Variants in SREK1 observed in about 807,000 individuals in gnomAD.
The protein encoded by SREK1 is splicing regulatory glutamic acid and lysine rich protein 1.
In SREK1, 13 loss-of-function variants were observed where a neutral mutation model predicts 66.5. The ratio of observed to expected loss-of-function variants is 0.20; its 90% confidence interval spans 0.13 to 0.31. SREK1 has a LOEUF of 0.31. SREK1 is among the 10% of genes least tolerant of loss of function. SREK1 has a pLI of 1.00. For synonymous variants in SREK1, 265 were observed against 263.5 expected, an observed-to-expected ratio of 1.01 and a Z score of -0.05; for missense variants, 607 against 769.6, an observed-to-expected ratio of 0.79 and a Z score of 2.50.
intron 1 of SREK1, 190 bp downstream of exon 1, chr5:66,144,727 G>A (rs1365548190): frequency 2.3e-6 from 3 of 1,293,884 alleles, no homozygotes; most frequent in East Asian, 5.7e-5. Flanking sequence ...GATTTGGGGG[G>A]TTAACTACTG....
intron 1 of SREK1, 21 bp from the exon 2 acceptor site, chr5:66,153,442 G>T: frequency 1.2e-6 from 2 of 1,601,282 alleles, no homozygotes; most frequent in Admixed American, 1.8e-5. Context: ...TAGTTCAATT[G>T]TTTTTCTTTT....
chr5:66,160,140 G>C (rs1371661330), intron 3 of SREK1, among the ~76,000 whole-genome samples: 3 of 151,646 alleles, frequency 2.0e-5, no homozygotes, highest in African/African-American at 7.3e-5. Context: ...AAAAAAAAAG[G>C]GTATATTACT....
At chr5:66,177,180 A>G (rs1044739212) in intron 10 of SREK1, 5 of 166,936 alleles carry the variant, frequency 3.0e-5, no homozygotes, top group African/African-American at 1.2e-4. Context: ...GCGGATACAT[A>G]TTCATTTGGT....
At position 66,182,804 on chromosome 5, in the gene SREK1, A is replaced by G. The variant is rs1045702118; in HGVS notation, c.*3936A>G. ...ACTGGTCTCAAACTCCTGGGCTCAA[A>G]CAATCTGTCTGCCTCAGCCTTCTAA... is the stretch of plus-strand genomic sequence containing the variant. On this transcript the variant is annotated 3_prime_UTR_variant, in exon 12 of 12. Coordinates refer to ENST00000334121, the MANE Select transcript of SREK1 (RefSeq NM_001077199.3). The G allele has an allele frequency of 2.6e-5, 4 of 152,146 alleles. No homozygotes were observed. Among genetic ancestry groups the G allele is most frequent in the Admixed American group, 6.6e-5 (1 of 15,258 alleles). The allele number at this position is 152,146 out of a possible 1,614,324, so 9.4% of individuals were successfully genotyped here. A position where few individuals can be genotyped will look rare whatever the true frequency, so the allele number is the denominator to read the frequency against.
In SREK1 at chr5:66,177,555, A is replaced by G. The variant is rs1347148206; in HGVS notation, c.1622A>G (p.His541Arg). Reference protein sequence around the residue: ...KDKKREKERDHISERRERERS... With the variant: ...KDKKREKERDRISERRERERS... Reference sequence around the variant, plus strand: ...AAAAAGAGAGAAAAAGAAAGGGACCACATCAGTGAAAGAAGAGAGAGAGAA... The same window carrying G: ...AAAAAGAGAGAAAAAGAAAGGGACCGCATCAGTGAAAGAAGAGAGAGAGAA... Residue 541 changes from histidine (H) to arginine (R), a missense_variant, in exon 11 of 12, where the codon CAC becomes CGC. His to Arg is a conservative substitution (Grantham distance 29, BLOSUM62 0). Around this residue, in one of 5 missense-constraint regions of SREK1, gnomAD observed 318 missense variants for 310.3 expected, o/e 1.02. Coordinates refer to ENST00000334121, the MANE Select transcript of SREK1 (RefSeq NM_001077199.3). The G allele has an allele frequency of 6.2e-7, 1 of 1,608,882 alleles. No individual in the cohort carries two copies. The highest frequency in any genetic ancestry group is 1.3e-5 in the African/African-American group (1 of 74,652).
intron 10 of SREK1, among the ~76,000 whole-genome samples, chr5:66,176,785 GT>G (rs1746090311): frequency 6.6e-6 from 1 of 151,968 alleles, no homozygotes; most frequent in African/African-American, 2.4e-5. Context: ...TTAATTGGAG[GT>G]TAGGTTTGTA....
rs1330540822 is a variant in SREK1, at chr5:66,180,468, T to C, written c.*1600T>C. 6.6e-6 allele frequency: 1 copy of C among 152,640 alleles called. No individual in the cohort carries two copies. Among genetic ancestry groups the C allele is most frequent in the African/African-American group, 2.4e-5 (1 of 41,464 alleles). 9.5% of individuals were successfully genotyped at this position (152,640 alleles called of 1,614,324 possible). ...AGTTACTTGGTTTCAACTTGAGTTTTCTTTTAATGTTAATAAGATTGAAAC... is the reference window on the plus strand; with the variant it reads ...AGTTACTTGGTTTCAACTTGAGTTTCCTTTTAATGTTAATAAGATTGAAAC... On this transcript the variant is annotated 3_prime_UTR_variant, in exon 12 of 12. Coordinates refer to ENST00000334121, the MANE Select transcript of SREK1 (RefSeq NM_001077199.3).
chr5:66,165,579 C>T (rs541417776), intron 7 of SREK1: 2 of 152,336 alleles, frequency 1.3e-5, no homozygotes, highest in South Asian at 2.1e-4. Flanking sequence ...CCTTAAAATG[C>T]AAATTTGGCA....
chr5:66,177,601 G>C lies in SREK1; in HGVS notation c.1668G>C (p.Lys556Asn), dbSNP rs1442100961. ...GAGAACGTTCAACGTCTATGAGAAA[G>C]AGTTCTAATGATAGAGATGGGAAGG... is the stretch of plus-strand genomic sequence containing the variant. ...RERERSTSMR[K>N]SSNDRDGKEK... The change falls in exon 11 of 12, where the codon AAG becomes AAC. Residue 556 changes from lysine to asparagine, a missense_variant. Lys to Asn is a moderately conservative substitution (Grantham distance 94, BLOSUM62 0). Around this residue, in one of 5 missense-constraint regions of SREK1, gnomAD observed 318 missense variants for 310.3 expected, o/e 1.02. Coordinates refer to ENST00000334121, the MANE Select transcript of SREK1 (RefSeq NM_001077199.3). 1.2e-6 allele frequency: 2 copies of C among 1,610,964 alleles called. No individual in the cohort carries two copies. The highest frequency in any genetic ancestry group is 2.7e-5 in the African/African-American group (2 of 74,680).
chr5:66,183,554 T>A lies in SREK1; in HGVS notation c.*4686T>A, dbSNP rs1364530894. The A allele has an allele frequency of 1.3e-5, 2 of 152,212 alleles. No individual in the cohort carries two copies. The highest frequency in any genetic ancestry group is 2.9e-5 in the Non-Finnish European group (2 of 68,026). The allele number at this position is 152,212 out of a possible 1,614,324, so 9.4% of individuals were successfully genotyped here. On this transcript the variant is annotated 3_prime_UTR_variant, in exon 12 of 12. Transcript: ENST00000334121. ...ACTTTTAAATGGTACTAGTAAAGAT[T>A]TATCAAACAATGCTGCTATTATGTT...
In SREK1 at chr5:66,170,643, G is replaced by T; in HGVS notation, c.1180G>T (p.Asp394Tyr). ...GGAAAAGGAAAGAGTGAAAGAGAAA[G>T]ACAGGGAAAAGGAGAGAGAGAGGGA... Reference protein sequence around the residue: ...IKEKERVKEKDREKEREREKE... With the variant: ...IKEKERVKEKYREKEREREKE... Residue 394 changes from aspartate (D) to tyrosine (Y), a missense_variant, in exon 9 of 12, where the codon GAC (aspartate) becomes TAC (tyrosine). By Grantham distance (160) the Asp-to-Tyr change is radical. Around this residue, in one of 5 missense-constraint regions of SREK1, gnomAD observed 318 missense variants for 310.3 expected, o/e 1.02. Transcript: ENST00000334121. The T allele has an allele frequency of 6.2e-7, 1 of 1,613,188 alleles. No individual in the cohort carries two copies. Among genetic ancestry groups the T allele is most frequent in the Non-Finnish European group, 8.5e-7 (1 of 1,179,820 alleles).
intron 7 of SREK1, chr5:66,165,247 C>T (rs954439848): frequency 3.0e-5 from 5 of 164,660 alleles, no homozygotes; most frequent in African/African-American, 1.2e-4. Context: ...CCTTAGTGAC[C>T]ATGCTGAAAA....
intron 1 of SREK1, among the ~76,000 whole-genome samples, chr5:66,146,943 G>A (rs781171289): frequency 7.9e-5 from 12 of 152,002 alleles, no homozygotes; most frequent in Non-Finnish European, 1.8e-4. Context: ...ATTGAGCCAG[G>A]TGTGGTGGTG....
chr5:66,182,645 A>G lies in SREK1; in HGVS notation c.*3777A>G, dbSNP rs932880790. ...AGTGACACGATCATGGCTCACTGCA[A>G]TCTTGACCTTTCTCGGCATGGATGA... On this transcript the variant is annotated 3_prime_UTR_variant, in exon 12 of 12. Transcript: ENST00000334121. 2 of 152,056 alleles carry G rather than the reference A, an allele frequency of 1.3e-5. No homozygotes were observed. Among genetic ancestry groups the G allele is most frequent in the African/African-American group, 2.4e-5 (1 of 41,382 alleles). 9.4% of individuals were successfully genotyped at this position (152,056 alleles called of 1,614,324 possible). A position where few individuals can be genotyped will look rare whatever the true frequency, so the allele number is the denominator to read the frequency against.
intron 1 of SREK1, among the ~76,000 whole-genome samples, chr5:66,152,205 A>G (rs1743908296): frequency 1.3e-5 from 2 of 152,192 alleles, no homozygotes; most frequent in South Asian, 2.1e-4. Context: ...TTAATAATGT[A>G]AATAGTTTTA....
At chr5:66,169,973 G>C in intron 7 of SREK1, 78 bp from the exon 8 acceptor site, 1 of 1,222,698 alleles carries the variant, frequency 8.2e-7, no homozygotes, top group East Asian at 2.7e-5. Flanking sequence ...GTTAAATACT[G>C]TTAGGATAGA....
At chr5:66,170,009 C>T (rs763764963) in intron 7 of SREK1, 42 bp from the exon 8 acceptor site, 33 of 1,439,606 alleles carry the variant, frequency 2.3e-5, no homozygotes, top group Middle Eastern at 1.8e-4. Context: ...TTTGAAAGAT[C>T]GTAAATTAAG....
At chr5:66,162,712 T>C (rs1235236941) in intron 5 of SREK1, 120 bp downstream of exon 5, 19 of 897,838 alleles carry the variant, frequency 2.1e-5, no homozygotes, top group Non-Finnish European at 1.1e-5. Flanking sequence ...AGGAAGACTT[T>C]GTGTTAAGTA....
intron 2 of SREK1, among the ~76,000 whole-genome samples, chr5:66,155,725 T>C (rs900578158): frequency 6.6e-6 from 1 of 152,252 alleles, no homozygotes; most frequent in African/African-American, 2.4e-5. Flanking sequence ...TGTTTTTTAG[T>C]GTAGACAGTA....
Sources: allele counts gnomAD v4.1 joint callset (sites outside exome capture counted in the v4.1 genomes callset), GRCh38; gene constraint gnomAD v4.1.1; regional missense constraint gnomAD v4.1.1; transcripts MANE v1.5; gene names NCBI Gene and HGNC (gene_info 2026-07-23, HGNC 2026-07-21).